Variants in SEMA6C observed in about 807,000 individuals in gnomAD.
The protein encoded by SEMA6C is semaphorin 6C, also known as semaphorin-6C.
Under a neutral mutation model 72.9 loss-of-function variants are expected in SEMA6C, and 37 were observed. That is an observed-to-expected ratio of 0.51 (90% CI 0.39 to 0.67). SEMA6C has a LOEUF of 0.67. SEMA6C is among the 30% of genes least tolerant of loss of function. SEMA6C has a pLI of 0.00. For missense variants in SEMA6C, 1,189 were observed against 1,263.6 expected (o/e 0.94, Z 0.89); for synonymous variants, 578 against 554.1 (o/e 1.04, Z -0.61).
chr1:151,132,187 G>A lies in SEMA6C; in HGVS notation c.*297C>T, dbSNP rs1317944255. The A allele has an allele frequency of 3.4e-6, 5 of 1,450,946 alleles. No homozygotes were observed. The highest frequency in any genetic ancestry group is 3.0e-5 in the East Asian group (1 of 33,784). The allele number at this position is 1,450,946 out of a possible 1,614,324, so 89.9% of individuals were successfully genotyped here. On this transcript the variant is annotated 3_prime_UTR_variant, in exon 19 of 19. Coordinates refer to ENST00000368914, the MANE Select transcript of SEMA6C (RefSeq NM_030913.6). ...GGGGCACAGTCTCTGGGGGAGCCCC[G>A]AGGGGCGAGTTAAGGCAGCTTGGCT...
rs1383155069 is a variant in SEMA6C, at chr1:151,132,288, C to T, written c.*196G>A. ...CACTGAGGAGACGGGCTTCTCACCTCCCACTCTTCTGTCGAGGACAGGGGG... is the reference window on the plus strand; with the variant it reads ...CACTGAGGAGACGGGCTTCTCACCTTCCACTCTTCTGTCGAGGACAGGGGG... On this transcript the variant is annotated 3_prime_UTR_variant, in exon 19 of 19. Transcript: ENST00000368914. 17 of 1,534,134 alleles carry T rather than the reference C, an allele frequency of 1.1e-5. No homozygotes were observed. The highest frequency in any genetic ancestry group is 1.5e-5 in the Non-Finnish European group (17 of 1,145,160).
chr1:151,136,359 T>C, intron 12 of SEMA6C, 89 bp downstream of exon 12: 1 of 1,550,598 alleles, frequency 6.4e-7, no homozygotes, highest in South Asian at 1.2e-5. Context: ...CCCTGAGGCC[T>C]TGGACATCTC....
rs1352107648 is a variant in SEMA6C, at chr1:151,138,057, G to A, written c.596C>T (p.Ala199Val). The A allele has an allele frequency of 2.5e-6, 4 of 1,614,106 alleles. No individual in the cohort carries two copies. Among genetic ancestry groups the A allele is most frequent in the Non-Finnish European group, 3.4e-6 (4 of 1,180,048 alleles). Residue 199 changes from alanine to valine, a missense_variant, in exon 9 of 19, where the codon GCT (alanine) becomes GTT (valine). Ala to Val is a moderately conservative substitution (Grantham distance 64, BLOSUM62 0). Around this residue, in one of 2 missense-constraint regions of SEMA6C, gnomAD observed 468 missense variants for 577.4 expected, o/e 0.81. Transcript: ENST00000368914. ...GGGCCCAAGGCTTCTGTAAACTACA[G>A]CATCACTGGCCTGGAAATCCGCAGC... ...ATAADFQASD[A>V]VVYRSLGPQP... is the part of the protein sequence containing the mutation.
chr1:151,133,035 C>A lies in SEMA6C; in HGVS notation c.2242G>T (p.Val748Leu). The change falls in exon 19 of 19, where the codon GTG (valine) becomes TTG (leucine). Residue 748 changes from valine to leucine, a missense_variant. Around this residue, in one of 2 missense-constraint regions of SEMA6C, gnomAD observed 721 missense variants for 686.2 expected, o/e 1.05. Transcript: ENST00000368914. This position sits in a 1 kb window ranked among gnomAD's most constrained non-coding sequence, Gnocchi z 5.9. ...GHAAGGPAPR[V>L]LVRPPPPGCP... ...CCGGGCGGCGGTGGCCTCACCAGCA[C>A]GCGGGGCGCGGGCCCGCCCGCCGCG... 1.4e-6 allele frequency: 2 copies of A among 1,384,138 alleles called. No individual in the cohort carries two copies. Among genetic ancestry groups the A allele is most frequent in the South Asian group, 1.4e-5 (1 of 69,736 alleles). 85.7% of individuals were successfully genotyped at this position (1,384,138 alleles called of 1,614,324 possible). A position where few individuals can be genotyped will look rare whatever the true frequency, so the allele number is the denominator to read the frequency against.
rs1475310680 is a variant in SEMA6C at position 151,135,171 on chromosome 1, G to A, written c.1572C>T (p.Ala524=). ...CCTCAGGCCCCTCTCACCTCTGACA[G>A]GCCCCATGCCGGGCACACCGGCTGA... ...LPLSRCARHG[A]CQRSCLASQD... The change falls in exon 15 of 19, where the codon GCC becomes GCT. Residue 524 remains alanine (A), a synonymous_variant. Coordinates refer to ENST00000368914, the MANE Select transcript of SEMA6C (RefSeq NM_030913.6). 6.2e-7 allele frequency: 1 copy of A among 1,613,764 alleles called. No individual in the cohort carries two copies. Among genetic ancestry groups the A allele is most frequent in the Admixed American group, 1.7e-5 (1 of 59,992 alleles).
At chr1:151,144,735 C>T (rs1184529659) in intron 1 of SEMA6C, among the ~76,000 whole-genome samples, 1 of 152,156 alleles carries the variant, frequency 6.6e-6, no homozygotes, top group African/African-American at 2.4e-5. Flanking sequence ...GCGACCACTC[C>T]CATGTTAAGG....
intron 18 of SEMA6C, chr1:151,134,152 T>G: frequency 1.1e-6 from 1 of 905,444 alleles, no homozygotes; most frequent in Non-Finnish European, 1.7e-6. Context: ...AACCCAGGAG[T>G]CCAGAACGCC....
Position 151,132,472 on chromosome 1 carries a change from G to A in SEMA6C, c.*12C>T, listed in dbSNP as rs763625248. The A allele has an allele frequency of 2.9e-5, 45 of 1,546,794 alleles. 1 individual carries two copies. In the Middle Eastern group the frequency reaches 1.8e-3, roughly 63 times the overall value. ...GGGCGCTCCCCACGCTGGAGGCCGT[G>A]GGCCGCTCCCTTTAAAAGTTGAAAC... On this transcript the variant is annotated 3_prime_UTR_variant, in exon 19 of 19. Coordinates refer to ENST00000368914, the MANE Select transcript of SEMA6C (RefSeq NM_030913.6).
chr1:151,140,893 G>A (rs1290805797), intron 3 of SEMA6C, among the ~76,000 whole-genome samples: 2 of 152,046 alleles, frequency 1.3e-5, no homozygotes, highest in Non-Finnish European at 2.9e-5. Context: ...AGCTACTCGG[G>A]AGGCTGAGGC....
Position 151,132,953 on chromosome 1 carries a change from T to G in SEMA6C, c.2324A>C (p.His775Pro). The change falls in exon 19 of 19, where the codon CAC becomes CCC. Residue 775 changes from histidine (H) to proline (P), a missense_variant. His to Pro is a moderately conservative substitution (Grantham distance 77). Coordinates refer to ENST00000368914, the MANE Select transcript of SEMA6C (RefSeq NM_030913.6). ...TTLEELLRYL[H>P]GPQPPRKGAE... ...CCCCTTTCTGGGCGGCTGCGGGCCG[T>G]GCAGGTAGCGCAGCAGTTCCTCCAG... 1 of 1,410,502 alleles carries G rather than the reference T, an allele frequency of 7.1e-7. No individual in the cohort carries two copies. The highest frequency in any genetic ancestry group is 2.5e-5 in the Admixed American group (1 of 39,468). 87.4% of individuals were successfully genotyped at this position (1,410,502 alleles called of 1,614,324 possible). A position where few individuals can be genotyped will look rare whatever the true frequency, so the allele number is the denominator to read the frequency against.
rs1297663098 is a variant in SEMA6C, at chr1:151,132,098, A to T, written c.*386T>A. ...TGGGAAGCGGAGGCTCCTACACAGT[A>T]GGAGAGGCACGTCCCAGACCCAGAA... On this transcript the variant is annotated 3_prime_UTR_variant, in exon 19 of 19. Coordinates refer to ENST00000368914, the MANE Select transcript of SEMA6C (RefSeq NM_030913.6). 22 of 784,330 alleles carry T rather than the reference A, an allele frequency of 2.8e-5. No homozygotes were observed. The highest frequency in any genetic ancestry group is 1.8e-6 in the Non-Finnish European group (1 of 563,990). The allele number at this position is 784,330 out of a possible 1,614,324, so 48.6% of individuals were successfully genotyped here.
chr1:151,132,740 A>G lies in SEMA6C; in HGVS notation c.2537T>C (p.Val846Ala), dbSNP rs1359877012. The G allele has an allele frequency of 5.5e-6, 8 of 1,452,006 alleles. No individual in the cohort carries two copies. The highest frequency in any genetic ancestry group is 5.4e-6 in the Non-Finnish European group (6 of 1,102,126). The allele number at this position is 1,452,006 out of a possible 1,614,324, so 89.9% of individuals were successfully genotyped here. A position where few individuals can be genotyped will look rare whatever the true frequency, so the allele number is the denominator to read the frequency against. ...ALSAPAPRLG[V>A]GGGRRLPFSG... is the part of the protein sequence containing the mutation. ...GAAAGGCAACCTCCGGCCTCCGCCG[A>G]CGCCCAGCCGGGGAGCGGGGGCGGA... The change falls in exon 19 of 19, where the codon GTC becomes GCC. Residue 846 changes from valine to alanine, a missense_variant. Physicochemically the swap from Val to Ala is moderately conservative, Grantham distance 64. Coordinates refer to ENST00000368914, the MANE Select transcript of SEMA6C (RefSeq NM_030913.6).
chr1:151,139,092 C>CAAAAAAAAAAAAAA (rs887064091), intron 6 of SEMA6C, among the ~76,000 whole-genome samples: 1 of 53,066 alleles, frequency 1.9e-5, no homozygotes, highest in Admixed American at 2.0e-4. Flanking sequence ...GACTCCGTCT[C>CAAAAAAAAAAAAAA]AAAAAAAAAA....
In SEMA6C at chr1:151,132,317, G is replaced by A. The variant is rs1384860847; in HGVS notation, c.*167C>T. On this transcript the variant is annotated 3_prime_UTR_variant, in exon 19 of 19. Transcript: ENST00000368914. ...CTCTTCTGTCGAGGACAGGGGGAAA[G>A]ACAGTCAATAAATAAACCCGAGGCG... 1 of 1,540,116 alleles carries A rather than the reference G, an allele frequency of 6.5e-7. No individual in the cohort carries two copies. The highest frequency in any genetic ancestry group is 8.7e-7 in the Non-Finnish European group (1 of 1,146,026).
In SEMA6C at chr1:151,132,262, T is replaced by A. The variant is rs1482440688; in HGVS notation, c.*222A>T. ...CGCCAGCTCCCCCTGAAATGCTGGC[T>A]CACTGAGGAGACGGGCTTCTCACCT... On this transcript the variant is annotated 3_prime_UTR_variant, in exon 19 of 19. Transcript: ENST00000368914. 4 of 1,526,858 alleles carry A rather than the reference T, an allele frequency of 2.6e-6. No individual in the cohort carries two copies. The highest frequency in any genetic ancestry group is 3.5e-6 in the Non-Finnish European group (4 of 1,141,486). The allele number at this position is 1,526,858 out of a possible 1,614,324, so 94.6% of individuals were successfully genotyped here.
chr1:151,132,783 G>A lies in SEMA6C; in HGVS notation c.2494C>T (p.Pro832Ser). Reference sequence around the variant, plus strand: ...GGGGCGGAGAGCGCGGGCCGGGCGGGGGCAGAGGCGCACCTGCCCTCGGGG... The same window carrying A: ...GGGGCGGAGAGCGCGGGCCGGGCGGAGGCAGAGGCGCACCTGCCCTCGGGG... ...VPPEGRCASA[P>S]ARPALSAPAP... The change falls in exon 19 of 19, where the codon CCC (proline) becomes TCC (serine). Residue 832 changes from proline to serine, a missense_variant. Coordinates refer to ENST00000368914, the MANE Select transcript of SEMA6C (RefSeq NM_030913.6). 1 of 1,369,380 alleles carries A rather than the reference G, an allele frequency of 7.3e-7. No homozygotes were observed. The highest frequency in any genetic ancestry group is 9.5e-7 in the Non-Finnish European group (1 of 1,057,122). The allele number at this position is 1,369,380 out of a possible 1,614,324, so 84.8% of individuals were successfully genotyped here.
At chr1:151,138,780 G>C (rs746516871) in intron 6 of SEMA6C, 49 bp from the exon 7 acceptor site, 8 of 1,420,560 alleles carry the variant, frequency 5.6e-6, no homozygotes, top group Non-Finnish European at 8.0e-6. Context: ...CTGGGACTGA[G>C]AACAGGAGGT....
In SEMA6C at chr1:151,137,030, G is replaced by A. The variant is rs377555884; in HGVS notation, c.801C>T (p.Gly267=). Residue 267 remains glycine, a synonymous_variant, in exon 11 of 19, where the codon GGC becomes GGT. Coordinates refer to ENST00000368914, the MANE Select transcript of SEMA6C (RefSeq NM_030913.6). The part of the protein sequence containing the change: ...RVARVCKRDM[G]GSPRALDRHW... ...GGCGGTCCAAGGCCCGAGGCGAGCC[G>A]CCCATGTCACGTTTACATACTCGGG... 53 of 1,613,804 alleles carry A rather than the reference G, an allele frequency of 3.3e-5. No individual in the cohort carries two copies. Among genetic ancestry groups the A allele is most frequent in the African/African-American group, 9.3e-5 (7 of 74,916 alleles).
At chr1:151,138,467 C>T (rs1371837629) in intron 7 of SEMA6C, 61 bp from the exon 8 acceptor site, 6 of 1,525,842 alleles carry the variant, frequency 3.9e-6, no homozygotes, top group Non-Finnish European at 4.5e-6. Flanking sequence ...GCTCCATAGC[C>T]TATTCCCTCC....
Sources: allele counts gnomAD v4.1 joint callset (sites outside exome capture counted in the v4.1 genomes callset), GRCh38; gene constraint gnomAD v4.1.1; regional missense constraint gnomAD v4.1.1; non-coding constraint Gnocchi (gnomAD v3.1); transcripts MANE v1.5; gene names NCBI Gene and HGNC (gene_info 2026-07-23, HGNC 2026-07-21).